OR51B5: variants seen among roughly 807,000 people sequenced by gnomAD.
OR51B5 encodes olfactory receptor 51B5.
For missense variants in OR51B5, 456 were observed against 374.6 expected (o/e 1.22, Z -1.79); for synonymous variants, 186 against 144.8 (o/e 1.28, Z -2.04).
chr11:5,419,557 G>C (rs537208196), intron 1 of OR51B5, among the ~76,000 whole-genome samples: 15 of 152,144 alleles, frequency 9.9e-5, no homozygotes, highest in Non-Finnish European at 1.6e-4. Flanking sequence ...TATCAGTCAT[G>C]ATGAGTGATT....
chr11:5,489,473 T>A (rs1478252296), intron 1 of OR51B5: 4 of 1,614,034 alleles, frequency 2.5e-6, no homozygotes, highest in Non-Finnish European at 3.4e-6. Flanking sequence ...GTTTTCTACA[T>A]CCCTGCCTTC....
chr11:5,415,797 T>C (rs1307442403), intron 1 of OR51B5, among the ~76,000 whole-genome samples: 1 of 152,106 alleles, frequency 6.6e-6, no homozygotes, highest in African/African-American at 2.4e-5. Context: ...GATTACCAAC[T>C]GAAAAGAGTC....
At chr11:5,430,248 G>C (rs981074482) in intron 1 of OR51B5, among the ~76,000 whole-genome samples, 45 of 152,152 alleles carry the variant, frequency 3.0e-4, no homozygotes, top group African/African-American at 1.1e-3. Flanking sequence ...ATATGGTTAG[G>C]TAATCCCTAC....
intron 1 of OR51B5, among the ~76,000 whole-genome samples, chr11:5,495,793 C>A (rs1851642029): frequency 1.3e-5 from 2 of 152,148 alleles, no homozygotes; most frequent in Non-Finnish European, 2.9e-5. Flanking sequence ...TATAGAGTGA[C>A]TGAATGGATA....
chr11:5,489,308 A>T (rs768147639), intron 1 of OR51B5: 25 of 1,609,182 alleles, frequency 1.6e-5, no homozygotes, highest in Non-Finnish European at 2.0e-5. Flanking sequence ...AATATTGTCT[A>T]TGGGCTAACT....
intron 1 of OR51B5, among the ~76,000 whole-genome samples, chr11:5,450,615 GGTACTTTT>G (rs1374405831): frequency 4.6e-5 from 7 of 152,242 alleles, no homozygotes; most frequent in African/African-American, 1.7e-4. Flanking sequence ...CTTGGAGACA[GGTACTTTT>G]GTGTAATTTT....
intron 1 of OR51B5, chr11:5,455,755 G>A (rs1241765644): frequency 6.6e-6 from 1 of 152,118 alleles, no homozygotes; most frequent in Non-Finnish European, 1.5e-5. Context: ...CAACAAGAGA[G>A]AGAGTCAGAA....
chr11:5,453,780 C>A, intron 1 of OR51B5: 1 of 1,614,168 alleles, frequency 6.2e-7, no homozygotes, highest in Non-Finnish European at 8.5e-7. Flanking sequence ...TGATGCCTGT[C>A]TAATTCAGAT....
intron 1 of OR51B5, among the ~76,000 whole-genome samples, chr11:5,371,632 A>G (rs1005134497): frequency 1.3e-5 from 2 of 152,200 alleles, no homozygotes; most frequent in Non-Finnish European, 2.9e-5. Flanking sequence ...AAAATATTTT[A>G]TCTGAAACAA....
intron 1 of OR51B5, among the ~76,000 whole-genome samples, chr11:5,365,483 G>C (rs1564922990): frequency 6.8e-6 from 1 of 147,882 alleles, no homozygotes; most frequent in Non-Finnish European, 1.5e-5. Flanking sequence ...TGGTCTGCCA[G>C]TCAGCAACCA....
intron 1 of OR51B5, chr11:5,422,809 T>C: frequency 6.2e-7 from 1 of 1,614,166 alleles, no homozygotes. Flanking sequence ...ATGGATTTGC[T>C]CTTGCCTTGC....
chr11:5,489,870 C>T lies in OR51B5; in HGVS notation n.84+15699G>A, dbSNP rs116497416. On this transcript the variant is annotated intron_variant and non_coding_transcript_variant, in intron 1 of 4. Coordinates refer to the OR51B5 transcript ENST00000415970. ...AGGCTCCTTGGGGAACTCTGAATAC[C>T]CCAGAAAGGTGATAATATTCTCACA... The T allele has an allele frequency of 1.6e-3, 843 of 539,340 alleles. 2 individuals are homozygous for T. Among genetic ancestry groups the T allele is most frequent in the African/African-American group, 0.014 (742 of 52,914 alleles). 33.4% of individuals were successfully genotyped at this position (539,340 alleles called of 1,614,324 possible).
At chr11:5,381,203 A>G (rs760264636) in intron 1 of OR51B5, among the ~76,000 whole-genome samples, 2 of 148,610 alleles carry the variant, frequency 1.3e-5, no homozygotes, top group Non-Finnish European at 3.0e-5. Context: ...ATTACATGCA[A>G]TGAAAACCAT....
intron 1 of OR51B5, among the ~76,000 whole-genome samples, chr11:5,406,765 A>G (rs940486108): frequency 6.6e-6 from 1 of 152,142 alleles, no homozygotes; most frequent in Non-Finnish European, 1.5e-5. Context: ...CAAGATTCCA[A>G]AGAGAAGGGA....
exon 1 of OR51B5, chr11:5,343,132 G>C (rs372155794): frequency 2.8e-5 from 45 of 1,613,512 alleles, no homozygotes; most frequent in Non-Finnish European, 3.7e-5. Flanking sequence ...TAAGTACAGA[G>C]GTATATCTAA....
At chr11:5,400,822 T>G (rs1461550920) in intron 1 of OR51B5, among the ~76,000 whole-genome samples, 1 of 152,206 alleles carries the variant, frequency 6.6e-6, no homozygotes, top group Non-Finnish European at 1.5e-5. Flanking sequence ...TGGTTATAGA[T>G]CTGCAGAGCA....
intron 1 of OR51B5, among the ~76,000 whole-genome samples, chr11:5,475,698 A>G (rs1034552307): frequency 1.3e-5 from 2 of 152,204 alleles, no homozygotes; most frequent in Non-Finnish European, 2.9e-5. Context: ...AAATTCCATG[A>G]AACATGACCA....
chr11:5,479,346 G>C (rs1438749097), intron 1 of OR51B5, among the ~76,000 whole-genome samples: 1 of 151,478 alleles, frequency 6.6e-6, no homozygotes, highest in African/African-American at 2.4e-5. Flanking sequence ...TGCCCTAAAA[G>C]AGCTCCTGAA....
intron 1 of OR51B5, chr11:5,488,800 A>G: frequency 1.2e-6 from 2 of 1,613,984 alleles, no homozygotes; most frequent in South Asian, 1.1e-5. Context: ...CTGGATTGCC[A>G]TCCCTTTCTG....
Sources: gnomAD v4.1 joint callset for allele counts (sites outside exome capture counted in the v4.1 genomes callset) on GRCh38, gnomAD v4.1.1 for gene constraint, MANE v1.5 for transcripts, NCBI Gene and HGNC (gene_info 2026-07-23, HGNC 2026-07-21) for gene names.